LRIG1: variants seen among roughly 807,000 people sequenced by gnomAD.
The protein encoded by LRIG1 is leucine rich repeats and immunoglobulin like domains 1.
LRIG1 carries 48 observed loss-of-function variants against 99.2 expected under a neutral mutation model. That is an observed-to-expected ratio of 0.48 (90% CI 0.38 to 0.62). The LOEUF is 0.62. LRIG1 is among the 20% of genes least tolerant of loss of function. The probability of loss-of-function intolerance (pLI) is 0.00; values close to 1 mark genes in which losing one functional copy is unlikely to be tolerated. For synonymous variants in LRIG1, 772 were observed against 596.1 expected, an observed-to-expected ratio of 1.29 and a Z score of -4.30; for missense variants, 1,646 against 1,434.4, an observed-to-expected ratio of 1.15 and a Z score of -2.38.
At chr3:66,440,425 G>A (rs1703503627) in intron 3 of LRIG1, among the ~76,000 whole-genome samples, 1 of 152,186 alleles carries the variant, frequency 6.6e-6, no homozygotes, top group African/African-American at 2.4e-5. Flanking sequence ...AATAAACTCT[G>A]CTGCTGTCCT....
At chr3:66,397,164 G>A (rs1021393427) in intron 11 of LRIG1, among the ~76,000 whole-genome samples, 20 of 152,190 alleles carry the variant, frequency 1.3e-4, no homozygotes, top group African/African-American at 4.1e-4. Context: ...CACAGGGCAA[G>A]TGCCCAGGCC....
At chr3:66,469,830 G>T (rs1311196268) in intron 1 of LRIG1, among the ~76,000 whole-genome samples, 3 of 150,022 alleles carry the variant, frequency 2.0e-5, no homozygotes, top group African/African-American at 7.4e-5. Flanking sequence ...AGCACTTTCG[G>T]AGGCTAAAGT....
chr3:66,404,183 C>T (rs144900996), intron 9 of LRIG1: 15 of 1,210,980 alleles, frequency 1.2e-5, no homozygotes, highest in East Asian at 1.1e-4. Context: ...CAAAAAGCCA[C>T]GCTTTTCAAA....
chr3:66,467,287 T>C (rs1700494269), intron 1 of LRIG1, among the ~76,000 whole-genome samples: 2 of 152,188 alleles, frequency 1.3e-5, no homozygotes, highest in Non-Finnish European at 2.9e-5. Flanking sequence ...CCACTGGCTA[T>C]TTACATGTAT....
At chr3:66,426,238 T>C (rs913760703) in intron 3 of LRIG1, among the ~76,000 whole-genome samples, 4 of 152,220 alleles carry the variant, frequency 2.6e-5, no homozygotes, top group Non-Finnish European at 5.9e-5. Context: ...ACTGTCTCTG[T>C]CATGACCACT....
rs71105995 is a variant in LRIG1, at chr3:66,472,303, C to CAAAAAAA, written c.219-9801_219-9795dup. Among the ~76,000 whole-genome samples the CAAAAAAA allele has an allele frequency of 7.7e-4, 49 of 63,868 alleles. 4 individuals carry two copies. Among genetic ancestry groups the CAAAAAAA allele is most frequent in the Admixed American group, 3.4e-3 (13 of 3,810 alleles). The allele number at this position is 63,868 out of a possible 152,430, so 41.9% of individuals were successfully genotyped here. On this transcript the variant is annotated intron_variant, in intron 1 of 18. Coordinates refer to ENST00000273261, the MANE Select transcript of LRIG1 (RefSeq NM_015541.3). ...TGGGTGACAGAGCAAGACTCTGTCT[C>CAAAAAAA]AAAAAAAAAAAAAAAAAAAAAAAAA...
chr3:66,457,746 G>A (rs773180805), intron 2 of LRIG1, among the ~76,000 whole-genome samples: 21 of 152,190 alleles, frequency 1.4e-4, no homozygotes, highest in Non-Finnish European at 2.9e-5. Context: ...GAGTCTATTT[G>A]CTACCAAAAT....
chr3:66,404,255 C>T (rs866045618), intron 9 of LRIG1: 24 of 1,289,186 alleles, frequency 1.9e-5, no homozygotes, highest in East Asian at 5.5e-5. Flanking sequence ...CCTCTATCAT[C>T]GAGCTCCACT....
At chr3:66,435,973 T>C (rs1303464413) in intron 3 of LRIG1, among the ~76,000 whole-genome samples, 2 of 152,242 alleles carry the variant, frequency 1.3e-5, no homozygotes, top group East Asian at 3.8e-4. Context: ...TTACACAGTA[T>C]GACTGAGGTC....
At chr3:66,399,448 A>G (rs1348308632) in intron 9 of LRIG1, among the ~76,000 whole-genome samples, 1 of 152,178 alleles carries the variant, frequency 6.6e-6, no homozygotes, top group Non-Finnish European at 1.5e-5. Flanking sequence ...AAGCTGAGTC[A>G]AAAAAGGAAA....
intron 3 of LRIG1, among the ~76,000 whole-genome samples, chr3:66,448,967 C>G (rs1046780445): frequency 1.3e-5 from 2 of 152,222 alleles, no homozygotes; most frequent in Non-Finnish European, 1.5e-5. Context: ...CTTCAGTTCA[C>G]TAGTTCCGAA....
At chr3:66,383,549 T>A (rs1229295189) in intron 14 of LRIG1, 148 bp from the exon 15 acceptor site, 5 of 741,464 alleles carry the variant, frequency 6.7e-6, no homozygotes, top group South Asian at 6.0e-5. Flanking sequence ...AGAAGACCCT[T>A]CAACTCATTG....
At chr3:66,436,729 A>C (rs929201866) in intron 3 of LRIG1, among the ~76,000 whole-genome samples, 3 of 152,196 alleles carry the variant, frequency 2.0e-5, no homozygotes, top group Non-Finnish European at 4.4e-5. Context: ...ATGTGCATTT[A>C]GAGACAGGGA....
At chr3:66,386,547 C>A in intron 12 of LRIG1, 1 of 464,126 alleles carries the variant, frequency 2.2e-6, no homozygotes, top group East Asian at 3.7e-5. Context: ...GAAATTAACC[C>A]ACCACTTCTC....
chr3:66,389,561 G>C (rs1267444424), intron 12 of LRIG1, among the ~76,000 whole-genome samples: 1 of 152,234 alleles, frequency 6.6e-6, no homozygotes, highest in South Asian at 2.1e-4. Context: ...TTTAAGACAG[G>C]AGTTTTTACT....
chr3:66,446,281 G>GAAGGTGACC (rs772770985), intron 3 of LRIG1, among the ~76,000 whole-genome samples: 2 of 152,070 alleles, frequency 1.3e-5, no homozygotes, highest in Non-Finnish European at 2.9e-5. Context: ...GGGGAAGGGG[G>GAAGGTGACC]AAGGTGACCA....
At chr3:66,400,855 A>G (rs1702025623) in intron 9 of LRIG1, among the ~76,000 whole-genome samples, 1 of 152,120 alleles carries the variant, frequency 6.6e-6, no homozygotes, top group Non-Finnish European at 1.5e-5. Flanking sequence ...CCGCTTGGGC[A>G]GGTACCAGGA....
chr3:66,410,292 C>T lies in LRIG1; in HGVS notation c.792-20G>A, dbSNP rs761170326. 12 of 1,588,442 alleles carry T rather than the reference C, an allele frequency of 7.6e-6. No homozygotes were observed. The highest frequency in any genetic ancestry group is 1.2e-5 in the South Asian group (1 of 86,412). The stretch of plus-strand genomic sequence containing the variant: ...AGGTGCCTGCAATGACAGCCATGCA[C>T]AGGATGAAGAGGAGCTTTCACTCCC... On this transcript the variant is annotated intron_variant, in intron 6 of 18. Coordinates refer to ENST00000273261, the MANE Select transcript of LRIG1 (RefSeq NM_015541.3).
chr3:66,381,705 C>G, intron 16 of LRIG1, 74 bp from the exon 17 acceptor site: 1 of 1,514,728 alleles, frequency 6.6e-7, no homozygotes, highest in Non-Finnish European at 9.1e-7. Flanking sequence ...AAGGAATGAG[C>G]AAGGCCGCTA....
Sources: gnomAD v4.1 joint callset for allele counts (sites outside exome capture counted in the v4.1 genomes callset) on GRCh38, gnomAD v4.1.1 for gene constraint, MANE v1.5 for transcripts, NCBI Gene and HGNC (gene_info 2026-07-23, HGNC 2026-07-21) for gene names.